ZCCHC7: variants seen among roughly 807,000 people sequenced by gnomAD.
ZCCHC7 encodes zinc finger CCHC domain-containing protein 7.
In ZCCHC7, 35 loss-of-function variants were observed where a neutral mutation model predicts 52.0. The observed-to-expected ratio is 0.67, with a 90% CI of 0.51 to 0.89. The LOEUF (loss-of-function observed/expected upper bound fraction) is 0.89, where lower values mean the gene tolerates loss of function less well. Among genes scored for constraint, ZCCHC7 ranks in the 40% least tolerant of loss-of-function variants. The probability of loss-of-function intolerance (pLI) is 0.00; values close to 1 mark genes in which losing one functional copy is unlikely to be tolerated. For synonymous variants in ZCCHC7, 217 were observed against 221.5 expected (o/e 0.98, Z 0.18); for missense variants, 574 against 649.1 (o/e 0.88, Z 1.26).
chr9:37,340,434 G>A (rs531458164), intron 6 of ZCCHC7, among the ~76,000 whole-genome samples: 238 of 151,154 alleles, frequency 1.6e-3, no homozygotes, highest in Non-Finnish European at 4.0e-4. Context: ...AATACAAAAG[G>A]CCTGCTTTTA....
At chr9:37,336,232 G>C (rs1588688542) in intron 6 of ZCCHC7, among the ~76,000 whole-genome samples, 1 of 152,232 alleles carries the variant, frequency 6.6e-6, no homozygotes, top group African/African-American at 2.4e-5. Flanking sequence ...CAGACTTCCA[G>C]CTGTATTCTC....
chr9:37,122,813 T>G (rs1477076502), intron 1 of ZCCHC7, among the ~76,000 whole-genome samples: 1 of 152,188 alleles, frequency 6.6e-6, no homozygotes, highest in Non-Finnish European at 1.5e-5. Context: ...GGCGCGTGCC[T>G]GTAATCCCAG....
intron 2 of ZCCHC7, among the ~76,000 whole-genome samples, chr9:37,170,628 T>C (rs1181752510): frequency 6.6e-6 from 1 of 152,326 alleles, no homozygotes. Flanking sequence ...TGAAACCAAA[T>C]GGTCTGAGTT....
intron 2 of ZCCHC7, among the ~76,000 whole-genome samples, chr9:37,137,137 T>C (rs1843028841): frequency 6.6e-6 from 1 of 152,206 alleles, no homozygotes; most frequent in Admixed American, 6.5e-5. Context: ...CTTTTTGCCT[T>C]TAGAAATCCT....
At chr9:37,286,128 T>G (rs887467732) in intron 2 of ZCCHC7, among the ~76,000 whole-genome samples, 1 of 152,230 alleles carries the variant, frequency 6.6e-6, no homozygotes, top group Non-Finnish European at 1.5e-5. Flanking sequence ...CCAGTAATTT[T>G]ATTATTAGAG....
At chr9:37,153,202 G>A (rs948368341) in intron 2 of ZCCHC7, among the ~76,000 whole-genome samples, 1 of 151,770 alleles carries the variant, frequency 6.6e-6, no homozygotes, top group East Asian at 1.9e-4. Context: ...ATGGAGTCTT[G>A]CTCTTTTGCC....
chr9:37,231,452 A>T (rs1825401788), intron 2 of ZCCHC7, among the ~76,000 whole-genome samples: 1 of 152,090 alleles, frequency 6.6e-6, no homozygotes, highest in Non-Finnish European at 1.5e-5. Flanking sequence ...TGCTATCGAG[A>T]TCTGATATAC....
chr9:37,236,727 A>G (rs1236267193), intron 2 of ZCCHC7, among the ~76,000 whole-genome samples: 2 of 152,188 alleles, frequency 1.3e-5, no homozygotes, highest in South Asian at 2.1e-4. Context: ...TATGCATAGC[A>G]TACAGTAAAC....
At chr9:37,180,476 CTA>C (rs1450326400) in intron 2 of ZCCHC7, among the ~76,000 whole-genome samples, 9 of 152,098 alleles carry the variant, frequency 5.9e-5, no homozygotes, top group Admixed American at 3.3e-4. Context: ...TAGTAAAACA[CTA>C]TTTGTTTTCT....
At chr9:37,336,996 A>G (rs2118389660) in intron 6 of ZCCHC7, among the ~76,000 whole-genome samples, 1 of 152,256 alleles carries the variant, frequency 6.6e-6, no homozygotes, top group East Asian at 1.9e-4. Context: ...TCCTCTCCGG[A>G]CAATTGGCGG....
At chr9:37,293,690 C>T (rs2133644894) in intron 2 of ZCCHC7, among the ~76,000 whole-genome samples, 1 of 151,996 alleles carries the variant, frequency 6.6e-6, no homozygotes, top group African/African-American at 2.4e-5. Context: ...TTTCTTGTTT[C>T]TTAGTATGAT....
At chr9:37,193,186 A>G (rs141995206) in intron 2 of ZCCHC7, among the ~76,000 whole-genome samples, 2 of 152,338 alleles carry the variant, frequency 1.3e-5, no homozygotes, top group Middle Eastern at 3.4e-3. Context: ...ACATGAATTG[A>G]AAGCTACATC....
At chr9:37,151,049 C>T (rs1489765102) in intron 2 of ZCCHC7, among the ~76,000 whole-genome samples, 1 of 150,566 alleles carries the variant, frequency 6.6e-6, no homozygotes, top group Non-Finnish European at 1.5e-5. Context: ...ACTGCAAGCT[C>T]CGCCTCCCGG....
intron 2 of ZCCHC7, among the ~76,000 whole-genome samples, chr9:37,297,676 C>T (rs1208596722): frequency 6.6e-6 from 1 of 152,214 alleles, no homozygotes; most frequent in Non-Finnish European, 1.5e-5. Context: ...TAGTCTCTGG[C>T]ACCTGCGGTG....
chr9:37,300,573 T>C (rs1041395062), intron 2 of ZCCHC7, among the ~76,000 whole-genome samples: 3 of 152,222 alleles, frequency 2.0e-5, no homozygotes, highest in African/African-American at 7.2e-5. Context: ...ATGGTTTTCT[T>C]AGAAAAGTTT....
At chr9:37,232,534 C>T (rs1297849528) in intron 2 of ZCCHC7, among the ~76,000 whole-genome samples, 1 of 152,176 alleles carries the variant, frequency 6.6e-6, no homozygotes, top group Non-Finnish European at 1.5e-5. Context: ...AACTATGCCC[C>T]ATAGGCCAAA....
Position 37,182,107 on chromosome 9 carries a change from A to G in ZCCHC7, c.610+55165A>G, listed in dbSNP as rs565777990. On this transcript the variant is annotated intron_variant, in intron 2 of 8. Coordinates refer to ENST00000336755, the MANE Select transcript of ZCCHC7 (RefSeq NM_032226.3). ...TGAGCTAGTCATTGCTAATTCTTTG[A>G]CATTTATGCTGTAATCTGATGCTGT... Among the ~76,000 whole-genome samples, 241 of 152,318 alleles carry G rather than the reference A, an allele frequency of 1.6e-3. 1 individual carries two copies. The highest frequency in any genetic ancestry group is 5.6e-3 in the African/African-American group (232 of 41,582).
At chr9:37,220,591 T>A (rs557857273) in intron 2 of ZCCHC7, among the ~76,000 whole-genome samples, 1 of 152,212 alleles carries the variant, frequency 6.6e-6, no homozygotes, top group East Asian at 1.9e-4. Flanking sequence ...TGTGAGTGAT[T>A]GATAGATAGT....
chr9:37,289,683 A>G (rs1828438035), intron 2 of ZCCHC7, among the ~76,000 whole-genome samples: 2 of 152,160 alleles, frequency 1.3e-5, no homozygotes, highest in East Asian at 3.8e-4. Context: ...AAGTCAAATC[A>G]TATTACTCTT....
Sources: allele counts gnomAD v4.1 joint callset (sites outside exome capture counted in the v4.1 genomes callset), GRCh38; gene constraint gnomAD v4.1.1; transcripts MANE v1.5; gene names NCBI Gene and HGNC (gene_info 2026-07-23, HGNC 2026-07-21).